The following CDKAL1 variants were observed in gnomAD, a reference collection of about 807,000 sequenced individuals.
CDKAL1 encodes CDKAL1 threonylcarbamoyladenosine tRNA methylthiotransferase.
Under a neutral mutation model 68.2 loss-of-function variants are expected in CDKAL1, and 32 were observed. The observed-to-expected ratio is 0.47, with a 90% CI of 0.35 to 0.63. The LOEUF (loss-of-function observed/expected upper bound fraction) is 0.63. CDKAL1 is among the 30% of genes least tolerant of loss of function. The pLI, the probability that CDKAL1 is intolerant of heterozygous loss-of-function variation, is 0.00. For synonymous variants in CDKAL1, 234 were observed against 244.3 expected (o/e 0.96, Z 0.39); for missense variants, 606 against 696.7 (o/e 0.87, Z 1.47).
intron 6 of CDKAL1, among the ~76,000 whole-genome samples, chr6:20,752,070 G>C (rs1434880613): frequency 6.7e-6 from 1 of 148,698 alleles, no homozygotes; most frequent in Non-Finnish European, 1.5e-5. Context: ...CCTCTTCCGC[G>C]TAACTCCCCC....
intron 6 of CDKAL1, among the ~76,000 whole-genome samples, chr6:20,755,770 G>A (rs139895210): frequency 6.6e-6 from 1 of 152,296 alleles, no homozygotes; most frequent in East Asian, 1.9e-4. Context: ...TCTACTTGGA[G>A]TTATTGTTAT....
chr6:20,600,980 A>G (rs888087767), intron 4 of CDKAL1, among the ~76,000 whole-genome samples: 1 of 152,004 alleles, frequency 6.6e-6, no homozygotes, highest in Non-Finnish European at 1.5e-5. Context: ...TTTGTTACCA[A>G]GTTCTGAGTG....
intron 10 of CDKAL1, among the ~76,000 whole-genome samples, chr6:20,994,276 C>G (rs9368263): frequency 2.0e-5 from 3 of 152,058 alleles, no homozygotes. Context: ...GTCAGGAGTT[C>G]GAGACCAGCC....
At chr6:21,096,599 T>G (rs1014815189) in intron 12 of CDKAL1, among the ~76,000 whole-genome samples, 2 of 152,234 alleles carry the variant, frequency 1.3e-5, no homozygotes. Context: ...TAGTTATGTC[T>G]CTAACATAAC....
At chr6:20,600,106 A>G (rs2127711215) in intron 4 of CDKAL1, among the ~76,000 whole-genome samples, 2 of 152,230 alleles carry the variant, frequency 1.3e-5, no homozygotes, top group Middle Eastern at 6.8e-3. Flanking sequence ...GAAAGAAAAT[A>G]TATTAATTTT....
intron 9 of CDKAL1, among the ~76,000 whole-genome samples, chr6:20,891,453 G>A (rs954055308): frequency 6.6e-6 from 1 of 152,038 alleles, no homozygotes; most frequent in African/African-American, 2.4e-5. Flanking sequence ...AACAGACGCC[G>A]GGTGGCCTGT....
At chr6:20,609,880 T>C (rs1475182301) in intron 4 of CDKAL1, among the ~76,000 whole-genome samples, 1 of 152,088 alleles carries the variant, frequency 6.6e-6, no homozygotes, top group Admixed American at 6.6e-5. Flanking sequence ...TCATCACAGG[T>C]ATTAAGCCCA....
rs1419253356 is a variant in CDKAL1, at chr6:20,747,793, C to G, written c.468+8178C>G. Among the ~76,000 whole-genome samples, 3 of 152,180 alleles carry G rather than the reference C, an allele frequency of 2.0e-5. No homozygotes were observed. In the East Asian group the frequency reaches 5.8e-4, roughly 29 times the overall value. On this transcript the variant is annotated intron_variant, in intron 6 of 15. Coordinates refer to ENST00000274695, the MANE Select transcript of CDKAL1 (RefSeq NM_017774.3). ...CCAATCCATAGGCTGCCTTTTCATT[C>G]AGTTGATTGCTTCCCTTGCTGTGCA...
intron 8 of CDKAL1, among the ~76,000 whole-genome samples, chr6:20,783,301 T>C (rs1775514215): frequency 1.3e-5 from 2 of 152,186 alleles, no homozygotes. Context: ...AACATTAGTA[T>C]TTCAGGGTCT....
chr6:20,987,492 T>C (rs578095661), intron 10 of CDKAL1, among the ~76,000 whole-genome samples: 2 of 152,220 alleles, frequency 1.3e-5, no homozygotes, highest in East Asian at 3.9e-4. Context: ...TGACCTCAAG[T>C]GATCCGCCCA....
chr6:20,975,763 A>C (rs577337816), intron 10 of CDKAL1, among the ~76,000 whole-genome samples: 10 of 152,362 alleles, frequency 6.6e-5, no homozygotes, highest in African/African-American at 2.4e-4. Context: ...AAGCTTTCAA[A>C]GAATATTTGA....
chr6:20,667,353 G>T (rs62397621), intron 5 of CDKAL1, among the ~76,000 whole-genome samples: 14,721 of 152,178 alleles, frequency 0.097, 1,349 homozygotes, highest in African/African-American at 0.24. Context: ...TTATAATACA[G>T]TGAGGGAAGT....
At position 20,633,230 on chromosome 6, in the gene CDKAL1, C is replaced by T. The variant is rs150585630; in HGVS notation, c.287-16063C>T. ...CTCTCAGCCCTAGGCAATCACCAGT[C>T]TACTTTCTGTGCTGTGGATTTGTCT... On this transcript the variant is annotated intron_variant, in intron 4 of 15. Coordinates refer to ENST00000274695, the MANE Select transcript of CDKAL1 (RefSeq NM_017774.3). Among the ~76,000 whole-genome samples the T allele has an allele frequency of 4.1e-3, 617 of 152,208 alleles. 5 individuals are homozygous for T. Among genetic ancestry groups the T allele is most frequent in the African/African-American group, 0.014 (586 of 41,462 alleles).
chr6:20,822,978 C>T (rs9465908), intron 8 of CDKAL1, among the ~76,000 whole-genome samples: 10,079 of 152,228 alleles, frequency 0.066, 380 homozygotes, highest in Middle Eastern at 0.082. Flanking sequence ...TAAATACAAA[C>T]TTCTCAGCCT....
chr6:20,694,926 C>G (rs978579927), intron 5 of CDKAL1, among the ~76,000 whole-genome samples: 17 of 152,110 alleles, frequency 1.1e-4, no homozygotes, highest in African/African-American at 3.9e-4. Flanking sequence ...ATCTCTCTTG[C>G]CCTGTGACCC....
chr6:20,942,035 TA>T lies in CDKAL1; in HGVS notation c.743-13382del, dbSNP rs571307126. Among the ~76,000 whole-genome samples the T allele has an allele frequency of 4.6e-5, 7 of 152,332 alleles. No homozygotes were observed. In the South Asian group the frequency reaches 1.5e-3, roughly 32 times the overall value. On this transcript the variant is annotated intron_variant, in intron 9 of 15. Transcript: ENST00000274695. ...AGAATTTAATAATGATCATTGTACT[TA>T]ATTAGCTTATAAGACAGCTTATGTT... is the stretch of plus-strand genomic sequence containing the variant.
intron 13 of CDKAL1, among the ~76,000 whole-genome samples, chr6:21,142,264 GTACC>G (rs1775954815): frequency 6.7e-6 from 1 of 149,680 alleles, no homozygotes; most frequent in Non-Finnish European, 1.5e-5. Flanking sequence ...TCCTCTCTGA[GTACC>G]TAGTGTTCTA....
At chr6:20,831,475 C>T (rs573058139) in intron 8 of CDKAL1, among the ~76,000 whole-genome samples, 1 of 152,280 alleles carries the variant, frequency 6.6e-6, no homozygotes, top group South Asian at 2.1e-4. Context: ...GCAGGCCTTG[C>T]AGTTTTCAGT....
chr6:20,962,236 T>C (rs910849985), intron 10 of CDKAL1, among the ~76,000 whole-genome samples: 1 of 152,240 alleles, frequency 6.6e-6, no homozygotes, highest in African/African-American at 2.4e-5. Flanking sequence ...AATTAAAATA[T>C]ATAGTATTGC....
Sources: allele counts gnomAD v4.1 joint callset (sites outside exome capture counted in the v4.1 genomes callset), GRCh38; gene constraint gnomAD v4.1.1; transcripts MANE v1.5; gene names NCBI Gene and HGNC (gene_info 2026-07-23, HGNC 2026-07-21).